PBRM1: variants seen among roughly 807,000 people sequenced by gnomAD.
The protein encoded by PBRM1 is polybromo 1.
A neutral mutation model predicts 194.5 loss-of-function variants in PBRM1; 27 were observed. The ratio of observed to expected loss-of-function variants is 0.14; its 90% confidence interval spans 0.10 to 0.19. The LOEUF is 0.19. PBRM1 is among the 10% of genes least tolerant of loss of function. The probability of loss-of-function intolerance (pLI) is 1.00; values close to 1 mark genes in which losing one functional copy is unlikely to be tolerated. For missense variants in PBRM1, 1,466 were observed against 2,077.2 expected (o/e 0.71, Z 5.72); for synonymous variants, 655 against 693.2 (o/e 0.94, Z 0.87).
downstream of PBRM1, chr3:52,546,123 C>G (rs1164651447): frequency 4.3e-6 from 1 of 232,350 alleles, no homozygotes; most frequent in Non-Finnish European, 8.5e-6. Context: ...CACGTGGCCC[C>G]CAGTGAAAAA....
chr3:52,656,292 G>C (rs1033972000), intron 5 of PBRM1, among the ~76,000 whole-genome samples: 2 of 151,984 alleles, frequency 1.3e-5, no homozygotes, highest in Non-Finnish European at 2.9e-5. Flanking sequence ...AGATCAAAGA[G>C]AATTAAAAGG....
At chr3:52,563,569 T>A in intron 23 of PBRM1, 76 bp from the exon 26 acceptor site, 2 of 1,016,594 alleles carry the variant, frequency 2.0e-6, no homozygotes, top group Admixed American at 1.8e-5. Flanking sequence ...TGTTCCACCT[T>A]AACAACTAGA....
At chr3:52,578,985 G>A in intron 21 of PBRM1, 69 bp downstream of exon 23, 1 of 1,460,512 alleles carries the variant, frequency 6.8e-7, no homozygotes, top group Non-Finnish European at 9.6e-7. Context: ...CATCCGAAGG[G>A]TGACTAATTT....
chr3:52,589,478 A>G (rs2092792372), intron 17 of PBRM1, among the ~76,000 whole-genome samples: 1 of 152,262 alleles, frequency 6.6e-6, no homozygotes, highest in African/African-American at 2.4e-5. Context: ...TTAAATGAAT[A>G]TATAACTACA....
intron 1 of PBRM1, 37 bp downstream of exon 2, chr3:52,679,537 A>T: frequency 6.3e-7 from 1 of 1,580,926 alleles, no homozygotes; most frequent in Non-Finnish European, 8.6e-7. Flanking sequence ...GAATTGTGGG[A>T]AGAGCAGGCA....
At chr3:52,568,129 C>A (rs2085928719) in intron 22 of PBRM1, among the ~76,000 whole-genome samples, 1 of 151,884 alleles carries the variant, frequency 6.6e-6, no homozygotes, top group Non-Finnish European at 1.5e-5. Flanking sequence ...TAGATGCCTA[C>A]CATCATGTCC....
At chr3:52,573,885 C>A (rs144390189) in intron 22 of PBRM1, among the ~76,000 whole-genome samples, 2 of 152,250 alleles carry the variant, frequency 1.3e-5, no homozygotes, top group Non-Finnish European at 2.9e-5. Context: ...AAGATGGCAG[C>A]CTCTATTCCT....
chr3:52,629,159 G>A (rs1482610896), intron 11 of PBRM1, 124 bp from the exon 13 acceptor site: 1 of 692,194 alleles, frequency 1.4e-6, no homozygotes, highest in Non-Finnish European at 2.4e-6. Context: ...TACTGATTAG[G>A]AACTTAAAAA....
At chr3:52,665,521 A>T (rs754709654) in intron 3 of PBRM1, among the ~76,000 whole-genome samples, 5 of 152,180 alleles carry the variant, frequency 3.3e-5, no homozygotes, top group Non-Finnish European at 7.3e-5. Context: ...CTACCAGTCC[A>T]TGGCCTGTTT....
At chr3:52,576,891 G>C (rs1042892220) in intron 21 of PBRM1, among the ~76,000 whole-genome samples, 193 bp from the exon 24 acceptor site, 1 of 152,014 alleles carries the variant, frequency 6.6e-6, no homozygotes, top group African/African-American at 2.4e-5. Context: ...AAAAGAGAAA[G>C]GAACATTTGA....
intron 17 of PBRM1, among the ~76,000 whole-genome samples, chr3:52,592,279 G>A (rs539326662): frequency 2.0e-5 from 3 of 151,764 alleles, no homozygotes; most frequent in Admixed American, 6.6e-5. Flanking sequence ...CTACAGGTGC[G>A]TGCCACCACA....
intron 4 of PBRM1, among the ~76,000 whole-genome samples, chr3:52,660,757 C>T (rs2096707327): frequency 6.6e-6 from 1 of 152,122 alleles, no homozygotes; most frequent in African/African-American, 2.4e-5. Flanking sequence ...AGGTGATCTG[C>T]CTGCCTTGGC....
At chr3:52,563,248 T>C (rs1160283614) in intron 24 of PBRM1, 35 bp downstream of exon 26, 1 of 1,538,254 alleles carries the variant, frequency 6.5e-7, no homozygotes, top group Non-Finnish European at 9.0e-7. Flanking sequence ...CCAAAGGTGG[T>C]AATAAGATAA....
At chr3:52,668,747 G>C (rs753260392) in intron 2 of PBRM1, 102 bp from the exon 4 acceptor site, 1 of 405,578 alleles carries the variant, frequency 2.5e-6, no homozygotes, top group Admixed American at 5.4e-5. Context: ...AAGTGACAGA[G>C]CATATTAGAA....
At chr3:52,611,808 A>C (rs1236549118) in intron 15 of PBRM1, among the ~76,000 whole-genome samples, 4 of 152,092 alleles carry the variant, frequency 2.6e-5, no homozygotes, top group Admixed American at 1.3e-4. Context: ...TGTCTCCACA[A>C]AACAAAACAA....
In PBRM1 at chr3:52,583,911, C is replaced by G. The variant is rs537108225; in HGVS notation, c.3387+2514G>C. Among the ~76,000 whole-genome samples, 4 of 152,274 alleles carry G rather than the reference C, an allele frequency of 2.6e-5. No individual in the cohort carries two copies. In the East Asian group the frequency reaches 5.8e-4, roughly 22 times the overall value. On this transcript the variant is annotated intron_variant, in intron 20 of 29. Transcript: ENST00000296302. ...CCACTTGTCTTGGCATCCCAAAATG[C>G]TGGGATTACAGGCGTGTGACACTGT...
At chr3:52,571,316 C>A (rs1341563237) in intron 22 of PBRM1, among the ~76,000 whole-genome samples, 101 of 123,242 alleles carry the variant, frequency 8.2e-4, no homozygotes, top group African/African-American at 2.9e-3. Flanking sequence ...GAACGAGACA[C>A]TGTCTCCAAA....
intron 17 of PBRM1, among the ~76,000 whole-genome samples, chr3:52,592,071 C>T (rs1576326210): frequency 6.6e-6 from 1 of 151,280 alleles, no homozygotes; most frequent in South Asian, 2.1e-4. Context: ...GTGATCCACC[C>T]GCCTCAGCCT....
At chr3:52,572,379 C>CT (rs1046276518) in intron 22 of PBRM1, among the ~76,000 whole-genome samples, 3,878 of 147,322 alleles carry the variant, frequency 0.026, 169 homozygotes, top group African/African-American at 0.09. Flanking sequence ...TGTTTAAGTT[C>CT]TTTTTTTTTT....
Sources: gnomAD v4.1 joint callset for allele counts (sites outside exome capture counted in the v4.1 genomes callset) on GRCh38, gnomAD v4.1.1 for gene constraint, MANE v1.5 for transcripts, NCBI Gene and HGNC (gene_info 2026-07-23, HGNC 2026-07-21) for gene names.